CADPS: variants seen among roughly 807,000 people sequenced by gnomAD.
CADPS encodes the protein calcium-dependent secretion activator 1.
A neutral mutation model predicts 167.3 loss-of-function variants in CADPS; 57 were observed. The ratio of observed to expected loss-of-function variants is 0.34; its 90% CI spans 0.28 to 0.42. CADPS has a LOEUF of 0.42. Among genes scored for constraint, CADPS ranks in the 20% least tolerant of loss-of-function variants. CADPS has a pLI of 1.00. For synonymous variants in CADPS, 676 were observed against 635.3 expected (o/e 1.06, Z -0.96); for missense variants, 1,414 against 1,738.1 (o/e 0.81, Z 3.32).
intron 6 of CADPS, among the ~76,000 whole-genome samples, chr3:62,630,547 G>A (rs1042219314): frequency 6.6e-6 from 1 of 151,946 alleles, no homozygotes; most frequent in African/African-American, 2.4e-5. Flanking sequence ...GGTAGAGATG[G>A]GGTTTCACCA....
chr3:62,451,763 A>C (rs2058088743), intron 26 of CADPS, among the ~76,000 whole-genome samples: 1 of 152,196 alleles, frequency 6.6e-6, no homozygotes. Context: ...GGGCTAGCAA[A>C]ATTTACTTCA....
intron 1 of CADPS, among the ~76,000 whole-genome samples, chr3:62,864,980 G>C (rs2081422805): frequency 6.6e-6 from 1 of 151,976 alleles, no homozygotes; most frequent in South Asian, 2.1e-4. Flanking sequence ...CATAGAAGTG[G>C]CTCAAACAAC....
At position 62,399,648 on chromosome 3, in the gene CADPS, T is replaced by C; in HGVS notation, c.3883-63A>G. The C allele has an allele frequency of 7.0e-7, 1 of 1,426,204 alleles. No individual in the cohort carries two copies. Among genetic ancestry groups the C allele is most frequent in the South Asian group, 1.2e-5 (1 of 83,512 alleles). 88.3% of individuals were successfully genotyped at this position (1,426,204 alleles called of 1,614,324 possible). On this transcript the variant is annotated intron_variant, in intron 29 of 29. Coordinates refer to ENST00000383710, the MANE Select transcript of CADPS (RefSeq NM_003716.4). This position sits in a 1 kb window ranked among gnomAD's most constrained non-coding sequence, Gnocchi z 5.6. ...ATCTCCATGATGGGGAGGGAGAAGG[T>C]AAAAGCAGGTGTGGGTGGGAGAGCA...
chr3:62,793,762 C>T (rs183319169), intron 1 of CADPS, among the ~76,000 whole-genome samples: 4 of 152,262 alleles, frequency 2.6e-5, no homozygotes, highest in Admixed American at 1.3e-4. Context: ...TGTGTGCGCA[C>T]GTGCGTGTGT....
At chr3:62,782,751 G>A (rs1429666201) in intron 1 of CADPS, among the ~76,000 whole-genome samples, 2 of 148,102 alleles carry the variant, frequency 1.4e-5, no homozygotes, top group African/African-American at 5.1e-5. Flanking sequence ...ATATAGTGTA[G>A]CATTTCTTTC....
At chr3:62,422,054 C>G (rs1198094741) in intron 28 of CADPS, among the ~76,000 whole-genome samples, 2 of 152,214 alleles carry the variant, frequency 1.3e-5, no homozygotes, top group Non-Finnish European at 2.9e-5. Flanking sequence ...TTAGCGAGTT[C>G]TTTAAGTTGA....
At chr3:62,713,658 C>T (rs570067164) in intron 3 of CADPS, among the ~76,000 whole-genome samples, 20 of 152,330 alleles carry the variant, frequency 1.3e-4, no homozygotes, top group South Asian at 1.2e-3. Context: ...TGTTTAACAC[C>T]ACTGGCTTGC....
chr3:62,687,128 C>A (rs2151179081), intron 3 of CADPS, among the ~76,000 whole-genome samples: 1 of 152,204 alleles, frequency 6.6e-6, no homozygotes, highest in East Asian at 1.9e-4. Context: ...TTATGGAAGA[C>A]AAGAGGGATC....
chr3:62,840,697 G>A (rs909216115), intron 1 of CADPS, among the ~76,000 whole-genome samples: 3 of 152,112 alleles, frequency 2.0e-5, no homozygotes, highest in African/African-American at 7.2e-5. Context: ...TAATAAAGCT[G>A]AGGCAGTAAT....
rs770403088 is a variant in CADPS, at chr3:62,547,595, C to A, written c.1966+2308G>T. Among the ~76,000 whole-genome samples the A allele has an allele frequency of 4.1e-3, 467 of 112,662 alleles. 53 individuals are homozygous for A. Among genetic ancestry groups the A allele is most frequent in the Non-Finnish European group, 6.8e-3 (364 of 53,560 alleles). 73.9% of individuals were successfully genotyped at this position (112,662 alleles called of 152,430 possible). On this transcript the variant is annotated intron_variant, in intron 11 of 29. Transcript: ENST00000383710. ...GGATGATATCATTTACGCCCCCCCCCCCCCGCAAATTCTAACTCTTAGGAG... is the reference window on the plus strand; with the variant it reads ...GGATGATATCATTTACGCCCCCCCCACCCCGCAAATTCTAACTCTTAGGAG...
intron 26 of CADPS, among the ~76,000 whole-genome samples, chr3:62,463,103 G>C (rs2059564351): frequency 6.6e-6 from 1 of 152,182 alleles, no homozygotes; most frequent in South Asian, 2.1e-4. Context: ...TCTCTGAAAA[G>C]GGAGATGAGA....
chr3:62,494,809 T>C (rs77142892), intron 18 of CADPS, among the ~76,000 whole-genome samples: 2 of 119,200 alleles, frequency 1.7e-5, no homozygotes, highest in African/African-American at 6.9e-5. Flanking sequence ...ACCTGGCTAA[T>C]TTTTTTTTGT....
At chr3:62,468,345 T>G (rs75134457) in intron 24 of CADPS, among the ~76,000 whole-genome samples, 7,658 of 152,212 alleles carry the variant, frequency 0.05, 326 homozygotes, top group African/African-American at 0.11. Flanking sequence ...GGGAGTAAAC[T>G]AAATCAGAAA....
chr3:62,476,366 C>T (rs908279187), intron 23 of CADPS, among the ~76,000 whole-genome samples: 11 of 152,064 alleles, frequency 7.2e-5, no homozygotes, highest in Non-Finnish European at 8.8e-5. Flanking sequence ...TCTGTAGGTC[C>T]GGGGGTATTT....
At chr3:62,467,963 T>C (rs1360470677) in intron 24 of CADPS, among the ~76,000 whole-genome samples, 3 of 152,184 alleles carry the variant, frequency 2.0e-5, no homozygotes, top group Non-Finnish European at 4.4e-5. Flanking sequence ...GACAGTCTTA[T>C]CACTTAGTCA....
intron 9 of CADPS, among the ~76,000 whole-genome samples, chr3:62,570,118 AG>A (rs2081013987): frequency 6.6e-6 from 1 of 152,218 alleles, no homozygotes; most frequent in African/African-American, 2.4e-5. Flanking sequence ...TCTATCCAAA[AG>A]GGAAAAGTTT....
intron 3 of CADPS, among the ~76,000 whole-genome samples, chr3:62,723,480 A>G (rs950569199): frequency 1.3e-5 from 2 of 152,152 alleles, no homozygotes; most frequent in Admixed American, 6.5e-5. Context: ...CTGAATATAC[A>G]TGAGCTAGAC....
rs2061075062 is a variant in CADPS, at chr3:62,474,898, AAAGGTAATACATC to A, written c.3330-591_3330-579del. On this transcript the variant is annotated intron_variant, in intron 23 of 29. Transcript: ENST00000383710. ...TTATTTTGCTTGTTAAAGGACATAA[AAAGGTAATACATC>A]AAGCTGTTAAAGATGGCTACCTTTG... 1.3e-5 allele frequency among the ~76,000 whole-genome samples: 2 copies of A among 152,316 alleles called. 1 individual carries two copies. The highest frequency in any genetic ancestry group is 6.8e-3 in the Middle Eastern group (2 of 294).
chr3:62,492,634 G>A (rs923627027), intron 19 of CADPS, among the ~76,000 whole-genome samples, 188 bp from the exon 20 acceptor site: 8 of 152,140 alleles, frequency 5.3e-5, no homozygotes, highest in African/African-American at 9.7e-5. Context: ...AGTGCTTTGC[G>A]TTATTCCAGG....
Sources: gnomAD v4.1 joint callset for allele counts (sites outside exome capture counted in the v4.1 genomes callset) on GRCh38, gnomAD v4.1.1 for gene constraint, Gnocchi (gnomAD v3.1) non-coding constraint, MANE v1.5 for transcripts, NCBI Gene and HGNC (gene_info 2026-07-23, HGNC 2026-07-21) for gene names.